The following PTP4A2 variants were observed in gnomAD, a reference collection of about 807,000 sequenced individuals.
The protein encoded by PTP4A2 is protein tyrosine phosphatase type IVA 2.
Under a neutral mutation model 22.9 loss-of-function variants are expected in PTP4A2, and 2 were observed. That is an observed-to-expected ratio of 0.09 (90% CI 0.04 to 0.27). The LOEUF is 0.27. Ranked by LOEUF, PTP4A2 falls within the 10% of genes least tolerant of loss-of-function variation. The pLI, the probability that PTP4A2 is intolerant of heterozygous loss-of-function variation, is 1.00. For synonymous variants in PTP4A2, 68 were observed against 69.1 expected (o/e 0.98, Z 0.08); for missense variants, 103 against 205.1 (o/e 0.50, Z 3.04).
intron 1 of PTP4A2, among the ~76,000 whole-genome samples, chr1:31,922,595 TTTCTTTC>T (rs1337472981): frequency 2.2e-5 from 1 of 45,576 alleles, no homozygotes; most frequent in Non-Finnish European, 4.2e-5. Flanking sequence ...TGTTTCTTTC[TTTCTTTC>T]TTTCTTTCTT....
At chr1:31,937,331 T>C (rs1206676085) in intron 1 of PTP4A2, among the ~76,000 whole-genome samples, 3 of 152,048 alleles carry the variant, frequency 2.0e-5, no homozygotes, top group African/African-American at 7.2e-5. Flanking sequence ...TTATACCCCC[T>C]TTCCTCATAC....
intron 3 of PTP4A2, among the ~76,000 whole-genome samples, chr1:31,915,124 T>C (rs58693312): frequency 0.052 from 7,977 of 152,262 alleles, 708 homozygotes; most frequent in African/African-American, 0.18. Context: ...AAACAAAAGC[T>C]AAATATTGTA....
At chr1:31,924,096 T>C (rs545825071) in intron 1 of PTP4A2, 4 of 152,332 alleles carry the variant, frequency 2.6e-5, no homozygotes, top group African/African-American at 7.2e-5. Context: ...AAGACCTGCA[T>C]TGTAGTGACA....
At chr1:31,925,836 C>T (rs947266636) in intron 1 of PTP4A2, among the ~76,000 whole-genome samples, 3 of 151,464 alleles carry the variant, frequency 2.0e-5, no homozygotes, top group African/African-American at 7.3e-5. Context: ...CCAATTTTAC[C>T]GGGCATCCTT....
chr1:31,922,070 A>C (rs1332072371), intron 1 of PTP4A2, among the ~76,000 whole-genome samples: 1 of 152,230 alleles, frequency 6.6e-6, no homozygotes, highest in African/African-American at 2.4e-5. Flanking sequence ...TCAAAATTCT[A>C]ACTGTAACCC....
At chr1:31,912,556 C>G (rs72664990) in intron 3 of PTP4A2, among the ~76,000 whole-genome samples, 1 of 152,228 alleles carries the variant, frequency 6.6e-6, no homozygotes, top group Middle Eastern at 3.4e-3. Flanking sequence ...ACTAATCCCA[C>G]GAGCATTCAC....
chr1:31,917,319 G>C (rs867256322), intron 2 of PTP4A2, among the ~76,000 whole-genome samples: 5 of 152,076 alleles, frequency 3.3e-5, no homozygotes, highest in African/African-American at 9.7e-5. Context: ...CTATAAGAAG[G>C]GTCCATCATT....
At chr1:31,928,952 G>C (rs894209124) in intron 1 of PTP4A2, among the ~76,000 whole-genome samples, 1 of 152,162 alleles carries the variant, frequency 6.6e-6, no homozygotes, top group African/African-American at 2.4e-5. Context: ...TCTGAGAACA[G>C]TGACAGTTAT....
chr1:31,916,483 G>C (rs981412606), intron 2 of PTP4A2, among the ~76,000 whole-genome samples: 9 of 151,910 alleles, frequency 5.9e-5, no homozygotes, highest in Non-Finnish European at 1.2e-4. Flanking sequence ...CTCAGTGGCA[G>C]TGTGAGACTC....
At chr1:31,918,389 C>G (rs1469411034) in intron 2 of PTP4A2, among the ~76,000 whole-genome samples, 1 of 152,084 alleles carries the variant, frequency 6.6e-6, no homozygotes, top group Non-Finnish European at 1.5e-5. Context: ...TTTCTGGACC[C>G]TTGTATACGA....
chr1:31,909,200 G>C (rs1651400179), intron 5 of PTP4A2, among the ~76,000 whole-genome samples: 1 of 152,128 alleles, frequency 6.6e-6, no homozygotes, highest in Non-Finnish European at 1.5e-5. Flanking sequence ...ATTTAATAAA[G>C]ATCAGAATAG....
chr1:31,929,779 T>C (rs1271784357), intron 1 of PTP4A2, among the ~76,000 whole-genome samples: 1 of 152,206 alleles, frequency 6.6e-6, no homozygotes, highest in East Asian at 1.9e-4. Context: ...TAATAAATAA[T>C]TTAAGATTCT....
At chr1:31,910,506 G>C (rs1381006723) in intron 4 of PTP4A2, 1 of 157,684 alleles carries the variant, frequency 6.3e-6, no homozygotes, top group African/African-American at 2.4e-5. Context: ...GTGTTACCCA[G>C]TCTGCTCTTG....
chr1:31,926,644 T>C lies in PTP4A2; in HGVS notation c.-593-6986A>G, dbSNP rs537225483. On this transcript the variant is annotated intron_variant, in intron 1 of 5. Coordinates refer to ENST00000647444, the MANE Select transcript of PTP4A2 (RefSeq NM_080391.4). The stretch of plus-strand genomic sequence containing the variant: ...AGAGCTAGGCATTTTCCTCAAATTC[T>C]TTCATTAATTCAAATATTTACAGAA... Among the ~76,000 whole-genome samples, 31 of 152,334 alleles carry C rather than the reference T, an allele frequency of 2.0e-4. No individual in the cohort carries two copies. The South Asian group carries it at 5.4e-3, about 26-fold the overall frequency.
intron 1 of PTP4A2, among the ~76,000 whole-genome samples, chr1:31,924,708 T>C (rs1214088552): frequency 6.6e-6 from 1 of 152,210 alleles, no homozygotes; most frequent in African/African-American, 2.4e-5. Flanking sequence ...AATTCAAATA[T>C]ACACCCAAAT....
chr1:31,914,565 C>T (rs998487970), intron 3 of PTP4A2: 4 of 198,982 alleles, frequency 2.0e-5, no homozygotes, highest in Non-Finnish European at 4.3e-5. Flanking sequence ...AGGAACATAA[C>T]CTTAAACCAG....
At chr1:31,929,421 C>T (rs1407686876) in intron 1 of PTP4A2, among the ~76,000 whole-genome samples, 1 of 152,144 alleles carries the variant, frequency 6.6e-6, no homozygotes, top group Non-Finnish European at 1.5e-5. Context: ...TTCATCCATA[C>T]TTTTGTGACA....
At chr1:31,931,234 A>C (rs1652714213) in intron 1 of PTP4A2, 1 of 152,244 alleles carries the variant, frequency 6.6e-6, no homozygotes, top group Non-Finnish European at 1.5e-5. Flanking sequence ...TAAGCGTGAG[A>C]AGAATGGAGT....
chr1:31,928,566 G>C (rs1652582155), intron 1 of PTP4A2, among the ~76,000 whole-genome samples: 1 of 151,882 alleles, frequency 6.6e-6, no homozygotes, highest in Non-Finnish European at 1.5e-5. Context: ...CAGGTATTGT[G>C]GCGCATGGCT....
Sources: allele counts gnomAD v4.1 joint callset (sites outside exome capture counted in the v4.1 genomes callset), GRCh38; gene constraint gnomAD v4.1.1; transcripts MANE v1.5; gene names NCBI Gene and HGNC (gene_info 2026-07-23, HGNC 2026-07-21).